The following CRTAC1 variants were observed in gnomAD, a reference collection of about 807,000 sequenced individuals.
The protein encoded by CRTAC1 is acidic secreted protein in cartilage.
CRTAC1 carries 37 observed loss-of-function variants against 67.8 expected under a neutral mutation model. The ratio of observed to expected loss-of-function variants is 0.55; its 90% CI spans 0.42 to 0.72. The LOEUF is 0.72. CRTAC1 is among the 30% of genes least tolerant of loss of function. The pLI is 0.00. For missense variants in CRTAC1, 780 were observed against 931.6 expected (o/e 0.84, Z 2.12); for synonymous variants, 348 against 371.0 (o/e 0.94, Z 0.71).
At chr10:97,879,945 A>T in intron 14 of CRTAC1, 1 of 785,650 alleles carries the variant, frequency 1.3e-6, no homozygotes, top group Non-Finnish European at 2.0e-6. Context: ...GAGTTAGTTT[A>T]TATCCCAGCT....
intron 2 of CRTAC1, among the ~76,000 whole-genome samples, chr10:97,960,935 C>T (rs2051515117): frequency 6.6e-6 from 1 of 152,186 alleles, no homozygotes; most frequent in Non-Finnish European, 1.5e-5. Context: ...AATGTATAAG[C>T]CATTTGTTTG....
intron 1 of CRTAC1, among the ~76,000 whole-genome samples, chr10:98,021,010 C>CTCATTCATTCAT (rs3075454): frequency 2.0e-4 from 31 of 151,796 alleles, no homozygotes; most frequent in African/African-American, 7.0e-4. Context: ...CCACTATTCA[C>CTCATTCATTCAT]TCATTCATTC....
chr10:97,917,363 A>AGC (rs1269233305), intron 5 of CRTAC1, 137 bp downstream of exon 5: 3 of 560,308 alleles, frequency 5.4e-6, no homozygotes, highest in Non-Finnish European at 8.4e-6. Context: ...GATGGAATGG[A>AGC]GCCTTCATCT....
chr10:97,903,343 C>T (rs1427864271), intron 7 of CRTAC1, among the ~76,000 whole-genome samples: 1 of 149,750 alleles, frequency 6.7e-6, no homozygotes, highest in Admixed American at 6.7e-5. Flanking sequence ...TTGAATGTCC[C>T]AGAGGGAGGG....
chr10:97,995,572 C>A (rs1842548917), intron 2 of CRTAC1, among the ~76,000 whole-genome samples: 1 of 152,102 alleles, frequency 6.6e-6, no homozygotes, highest in Non-Finnish European at 1.5e-5. Context: ...ACAAGTAGAT[C>A]CCCAATGAAC....
chr10:97,921,999 ATTAACC>A (rs2050846966), intron 4 of CRTAC1, among the ~76,000 whole-genome samples: 1 of 150,804 alleles, frequency 6.6e-6, no homozygotes, highest in African/African-American at 2.5e-5. Context: ...TCTCTTTGTG[ATTAACC>A]TGCATGCCTC....
Position 97,906,142 on chromosome 10 carries a change from G to C in CRTAC1, c.851-1328C>G, listed in dbSNP as rs564500783. Among the ~76,000 whole-genome samples, 9 of 152,324 alleles carry C rather than the reference G, an allele frequency of 5.9e-5. No homozygotes were observed. In the South Asian group the frequency reaches 1.9e-3, roughly 32 times the overall value. On this transcript the variant is annotated intron_variant, in intron 6 of 14. Transcript: ENST00000370597. ...GCCCCCTGAGAACCCTGGAGGCTGA[G>C]TGTCCTCCTGGGGGAGAGAAGGAGC...
intron 2 of CRTAC1, among the ~76,000 whole-genome samples, chr10:97,966,403 T>A (rs1052965888): frequency 1.3e-5 from 2 of 152,218 alleles, no homozygotes; most frequent in African/African-American, 4.8e-5. Context: ...AGCCACTGTG[T>A]CCAGTCTGAT....
In CRTAC1 at chr10:97,975,448, T is replaced by TTTC. The variant is rs966398849; in HGVS notation, c.224+35687_224+35689dup. 3.3e-5 allele frequency among the ~76,000 whole-genome samples: 5 copies of TTTC among 152,058 alleles called. No individual in the cohort carries two copies. Among genetic ancestry groups the TTTC allele is most frequent in the South Asian group, 2.1e-4 (1 of 4,818 alleles). On this transcript the variant is annotated intron_variant, in intron 2 of 14. Coordinates refer to ENST00000370597, the MANE Select transcript of CRTAC1 (RefSeq NM_018058.7). The surrounding 1 kb of genome is among the most constrained non-coding windows in gnomAD (Gnocchi z 4.8). ...GGGATGGGGAGCCGGCAGACCTCGC[T>TTTC]TTCTTCTTCTTCTTCAGGGAAGAAG...
intron 1 of CRTAC1, among the ~76,000 whole-genome samples, chr10:98,012,152 C>T (rs931275302): frequency 5.9e-5 from 9 of 152,080 alleles, no homozygotes; most frequent in Non-Finnish European, 1.2e-4. Flanking sequence ...CCATTGCGTG[C>T]GTGTTTTATT....
Position 97,921,966 on chromosome 10 carries a change from T to G in CRTAC1, c.558+1298A>C, listed in dbSNP as rs562444749. Among the ~76,000 whole-genome samples, 11 of 151,994 alleles carry G rather than the reference T, an allele frequency of 7.2e-5. No individual in the cohort carries two copies. In the South Asian group the frequency reaches 2.1e-3, roughly 29 times the overall value. ...GTGGTTAAATGCGTGGGTGTGCAGATGACCTTGTTAGGACAGAGTGCATCT... is the reference window on the plus strand; with the variant it reads ...GTGGTTAAATGCGTGGGTGTGCAGAGGACCTTGTTAGGACAGAGTGCATCT... On this transcript the variant is annotated intron_variant, in intron 4 of 14. Coordinates refer to ENST00000370597, the MANE Select transcript of CRTAC1 (RefSeq NM_018058.7).
chr10:98,019,528 A>C (rs1333598409), intron 1 of CRTAC1, among the ~76,000 whole-genome samples: 1 of 152,240 alleles, frequency 6.6e-6, no homozygotes, highest in East Asian at 1.9e-4. Context: ...TATTCAGCCC[A>C]AAATGTCAAC....
At chr10:98,024,746 CTTTTTTTTTTTT>C (rs749919406) in intron 1 of CRTAC1, among the ~76,000 whole-genome samples, 24 of 65,028 alleles carry the variant, frequency 3.7e-4, no homozygotes, top group Admixed American at 2.2e-3. Context: ...TTATATTATC[CTTTTTTTTTTTT>C]TTTTTTTTTT....
At chr10:97,977,797 G>C (rs1274059626) in intron 2 of CRTAC1, among the ~76,000 whole-genome samples, 2 of 152,212 alleles carry the variant, frequency 1.3e-5, no homozygotes, top group East Asian at 3.8e-4. Context: ...GAATTGATGA[G>C]TACCTCACGA....
intron 14 of CRTAC1, chr10:97,871,262 G>A (rs1262274594): frequency 6.6e-6 from 1 of 152,192 alleles, no homozygotes; most frequent in Non-Finnish European, 1.5e-5. Flanking sequence ...GTCGGGTTTT[G>A]AATCAGGGAC....
At chr10:97,988,558 A>G (rs1259373518) in intron 2 of CRTAC1, among the ~76,000 whole-genome samples, 3 of 152,132 alleles carry the variant, frequency 2.0e-5, no homozygotes, top group African/African-American at 7.2e-5. Context: ...CGTCTCTACT[A>G]AAAATATAAA....
chr10:97,915,347 T>C (rs1198387586), intron 5 of CRTAC1, among the ~76,000 whole-genome samples: 1 of 152,220 alleles, frequency 6.6e-6, no homozygotes, highest in Non-Finnish European at 1.5e-5. Flanking sequence ...GAGTCCCTTC[T>C]CCTCCCTGGA....
At chr10:97,888,804 AT>A (rs1448176482) in intron 11 of CRTAC1, among the ~76,000 whole-genome samples, 1 of 152,158 alleles carries the variant, frequency 6.6e-6, no homozygotes, top group Non-Finnish European at 1.5e-5. Context: ...AGCGCCCCCC[AT>A]TAACCAGCAG....
intron 2 of CRTAC1, among the ~76,000 whole-genome samples, chr10:97,941,732 T>A (rs1336555905): frequency 6.6e-6 from 1 of 152,178 alleles, no homozygotes; most frequent in Non-Finnish European, 1.5e-5. Context: ...CCACCATCTC[T>A]GGGCAGACAC....
Sources: allele counts gnomAD v4.1 joint callset (sites outside exome capture counted in the v4.1 genomes callset), GRCh38; gene constraint gnomAD v4.1.1; non-coding constraint Gnocchi (gnomAD v3.1); transcripts MANE v1.5; gene names NCBI Gene and HGNC (gene_info 2026-07-23, HGNC 2026-07-21).